The following N4BP1 variants were observed in gnomAD, a reference collection of about 807,000 sequenced individuals.
N4BP1 encodes NEDD4 binding protein 1, also known as NEDD4-binding protein 1.
A neutral mutation model predicts 70.9 loss-of-function variants in N4BP1; 21 were observed. The observed-to-expected ratio is 0.30, with a 90% CI of 0.21 to 0.43. The LOEUF is 0.43. Ranked by LOEUF, N4BP1 falls within the 20% of genes least tolerant of loss-of-function variation. The probability of loss-of-function intolerance (pLI) is 1.00; values close to 1 mark genes in which losing one functional copy is unlikely to be tolerated. For synonymous variants in N4BP1, 387 were observed against 394.6 expected, an observed-to-expected ratio of 0.98 and a Z score of 0.23; for missense variants, 936 against 1,069.4, an observed-to-expected ratio of 0.88 and a Z score of 1.74.
intron 1 of N4BP1, among the ~76,000 whole-genome samples, chr16:48,580,107 T>C (rs183492667): frequency 1.3e-5 from 2 of 152,042 alleles, no homozygotes; most frequent in Non-Finnish European, 2.9e-5. Context: ...AATGAAAGAT[T>C]AGAGCAGAAA....
Position 48,552,699 on chromosome 16 carries a change from G to GAAAAAAAAAAAAA in N4BP1, c.2020+827_2020+839dup, listed in dbSNP as rs71134556. Reference sequence around the variant, plus strand: ...AGCGACAGAGCGAGACTCCGTCTCAGAAAAAAAAAAAAAAAAAAAAAAAAA... The same window carrying GAAAAAAAAAAAAA: ...AGCGACAGAGCGAGACTCCGTCTCAGAAAAAAAAAAAAAAAAAAAAAAAAAAAAAAAAAAAAAA... On this transcript the variant is annotated intron_variant, in intron 3 of 6. Transcript: ENST00000262384. 2.2e-4 allele frequency among the ~76,000 whole-genome samples: 4 copies of GAAAAAAAAAAAAA among 18,506 alleles called. 1 individual carries two copies. Among genetic ancestry groups the GAAAAAAAAAAAAA allele is most frequent in the Non-Finnish European group, 4.0e-4 (3 of 7,438 alleles). The allele number at this position is 18,506 out of a possible 152,430, so 12.1% of individuals were successfully genotyped here.
At chr16:48,594,019 CA>C (rs77597704) in intron 1 of N4BP1, among the ~76,000 whole-genome samples, 72 of 95,084 alleles carry the variant, frequency 7.6e-4, no homozygotes, top group East Asian at 4.1e-3. Flanking sequence ...AAAAAAAAAA[CA>C]AAAAAAAAAC....
At chr16:48,581,683 A>C (rs779855655) in intron 1 of N4BP1, among the ~76,000 whole-genome samples, 1 of 152,206 alleles carries the variant, frequency 6.6e-6, no homozygotes, top group Non-Finnish European at 1.5e-5. Context: ...AATTGAAGAC[A>C]CAAATAAATG....
At chr16:48,556,223 G>A (rs996408122) in intron 2 of N4BP1, among the ~76,000 whole-genome samples, 3 of 152,126 alleles carry the variant, frequency 2.0e-5, no homozygotes, top group African/African-American at 7.2e-5. Flanking sequence ...AATTCTGGTG[G>A]AGAACATACA....
chr16:48,561,062 G>C lies in N4BP1; in HGVS notation c.1581C>G (p.His527Gln), dbSNP rs1382457041. ...RVPLFPENGL[H>Q]QQPEPLLPNN... The stretch of plus-strand genomic sequence containing the variant: ...TTGGAAGCAAGGGTTCTGGCTGCTG[G>C]TGTAAACCATTTTCAGGAAAAAGTG... Residue 527 changes from histidine to glutamine, a missense_variant, in exon 2 of 7, where the codon CAC becomes CAG. His to Gln is a conservative substitution (Grantham distance 24). Around this residue, in one of 4 missense-constraint regions of N4BP1, gnomAD observed 515 missense variants for 491.7 expected, o/e 1.05. Transcript: ENST00000262384. 1.2e-6 allele frequency: 2 copies of C among 1,613,980 alleles called. No individual in the cohort carries two copies. The highest frequency in any genetic ancestry group is 8.5e-7 in the Non-Finnish European group (1 of 1,179,876).
intron 1 of N4BP1, among the ~76,000 whole-genome samples, chr16:48,591,080 A>G (rs1964330338): frequency 6.6e-6 from 1 of 152,150 alleles, no homozygotes; most frequent in Admixed American, 6.5e-5. Flanking sequence ...AACTGCTGAC[A>G]AAAGTCAAAA....
intron 1 of N4BP1, among the ~76,000 whole-genome samples, chr16:48,591,781 GA>G (rs74525646): frequency 5.5e-4 from 75 of 136,648 alleles, no homozygotes; most frequent in East Asian, 1.0e-3. Flanking sequence ...TTCCACTTTG[GA>G]AAAAAAAAAA....
In N4BP1 at chr16:48,589,338, G is replaced by A. The variant is rs536215390; in HGVS notation, c.198+20437C>T. ...GTCTCAACCCTACTTCCAACCTCTC[G>A]GGAAGGGAGAGGGGCTGAAGGTTAG... On this transcript the variant is annotated intron_variant, in intron 1 of 6. Coordinates refer to ENST00000262384, the MANE Select transcript of N4BP1 (RefSeq NM_153029.4). Among the ~76,000 whole-genome samples, 158 of 152,196 alleles carry A rather than the reference G, an allele frequency of 1.0e-3. 1 individual carries two copies. Among genetic ancestry groups the A allele is most frequent in the Non-Finnish European group, 1.7e-3 (119 of 68,014 alleles).
At chr16:48,576,435 C>G (rs1191176792) in intron 1 of N4BP1, among the ~76,000 whole-genome samples, 1 of 152,176 alleles carries the variant, frequency 6.6e-6, no homozygotes, top group Non-Finnish European at 1.5e-5. Flanking sequence ...GAGTGTACTC[C>G]TAGAGACAGG....
At chr16:48,551,971 C>T (rs190405942) in intron 3 of N4BP1, among the ~76,000 whole-genome samples, 54 of 152,144 alleles carry the variant, frequency 3.5e-4, no homozygotes, top group Non-Finnish European at 6.3e-4. Context: ...AGAGCTGAGA[C>T]GGCACTGCTG....
At chr16:48,575,089 C>T (rs1488406775) in intron 1 of N4BP1, among the ~76,000 whole-genome samples, 1 of 152,170 alleles carries the variant, frequency 6.6e-6, no homozygotes, top group Non-Finnish European at 1.5e-5. Flanking sequence ...CAATTATCCC[C>T]TAAGATTCAG....
In N4BP1 at chr16:48,610,054, G is replaced by A; in HGVS notation, c.-82C>T. On this transcript the variant is annotated 5_prime_UTR_variant, in exon 1 of 7. Coordinates refer to ENST00000262384, the MANE Select transcript of N4BP1 (RefSeq NM_153029.4). ...GCTTGCTGCCGCTGCTCCCAAGCCAGTCAGGCGGCGTCGGCCCTTCCCGGC... is the reference window on the plus strand; with the variant it reads ...GCTTGCTGCCGCTGCTCCCAAGCCAATCAGGCGGCGTCGGCCCTTCCCGGC... The A allele has an allele frequency of 4.8e-6, 4 of 838,286 alleles. No homozygotes were observed. The highest frequency in any genetic ancestry group is 5.8e-6 in the Non-Finnish European group (4 of 686,446). 51.9% of individuals were successfully genotyped at this position (838,286 alleles called of 1,614,324 possible).
chr16:48,589,844 T>TAAG (rs1221036665), intron 1 of N4BP1, among the ~76,000 whole-genome samples: 10 of 152,240 alleles, frequency 6.6e-5, no homozygotes. Flanking sequence ...ATCTTGTATC[T>TAAG]AACCTTTGGG....
intron 2 of N4BP1, chr16:48,560,462 TA>T: frequency 3.9e-6 from 1 of 259,568 alleles, no homozygotes; most frequent in Non-Finnish European, 7.3e-6. Flanking sequence ...TTTAATGACT[TA>T]AAAGTCACTA....
rs1963444403 is a variant in N4BP1, at chr16:48,538,878, AC to A, written c.*4025del. The A allele has an allele frequency of 6.6e-6, 1 of 152,372 alleles. No homozygotes were observed. The highest frequency in any genetic ancestry group is 1.5e-5 in the Non-Finnish European group (1 of 68,182). The allele number at this position is 152,372 out of a possible 1,614,324, so 9.4% of individuals were successfully genotyped here. A position where few individuals can be genotyped will look rare whatever the true frequency, so the allele number is the denominator to read the frequency against. On this transcript the variant is annotated 3_prime_UTR_variant, in exon 7 of 7. Coordinates refer to ENST00000262384, the MANE Select transcript of N4BP1 (RefSeq NM_153029.4). The stretch of plus-strand genomic sequence containing the variant: ...ACAGTACACAATCAGTGGCAGCAGC[AC>A]CAGCCAGAGTGGCAAGTGCTCAAAG...
rs71134556 is a variant in N4BP1, at chr16:48,552,699, G to GAAAAA, written c.2020+835_2020+839dup. Among the ~76,000 whole-genome samples the GAAAAA allele has an allele frequency of 7.9e-3, 146 of 18,500 alleles. 49 individuals carry two copies. Among genetic ancestry groups the GAAAAA allele is most frequent in the East Asian group, 0.018 (7 of 394 alleles). The allele number at this position is 18,500 out of a possible 152,430, so 12.1% of individuals were successfully genotyped here. The stretch of plus-strand genomic sequence containing the variant: ...AGCGACAGAGCGAGACTCCGTCTCA[G>GAAAAA]AAAAAAAAAAAAAAAAAAAAAAAAA... On this transcript the variant is annotated intron_variant, in intron 3 of 6. Coordinates refer to ENST00000262384, the MANE Select transcript of N4BP1 (RefSeq NM_153029.4).
chr16:48,600,413 G>C (rs117597175), intron 1 of N4BP1: 17,618 of 672,686 alleles, frequency 0.026, 328 homozygotes, highest in Non-Finnish European at 0.036. Context: ...ACCAGTGAGA[G>C]CTATGGAATA....
intron 4 of N4BP1, among the ~76,000 whole-genome samples, chr16:48,548,322 A>AT (rs1375108368): frequency 7.2e-5 from 11 of 152,214 alleles, no homozygotes; most frequent in Non-Finnish European, 1.6e-4. Flanking sequence ...TACAAAATAG[A>AT]TTGTCTTTCA....
intron 1 of N4BP1, among the ~76,000 whole-genome samples, chr16:48,594,020 A>C (rs1265150719): frequency 6.4e-5 from 6 of 93,346 alleles, no homozygotes; most frequent in African/African-American, 2.8e-4. Context: ...AAAAAAAAAC[A>C]AAAAAAAAAC....
Sources: allele counts gnomAD v4.1 joint callset (sites outside exome capture counted in the v4.1 genomes callset), GRCh38; gene constraint gnomAD v4.1.1; regional missense constraint gnomAD v4.1.1; transcripts MANE v1.5; gene names NCBI Gene and HGNC (gene_info 2026-07-23, HGNC 2026-07-21).